EYA4: variants seen among roughly 807,000 people sequenced by gnomAD.
EYA4 encodes EYA transcriptional coactivator and phosphatase 4.
EYA4 carries 31 observed loss-of-function variants against 87.9 expected under a neutral mutation model. The ratio of observed to expected loss-of-function variants is 0.35; its 90% CI spans 0.27 to 0.48. The LOEUF is 0.48. EYA4 is among the 20% of genes least tolerant of loss of function. The pLI, the probability that EYA4 is intolerant of heterozygous loss-of-function variation, is 0.99. For missense variants in EYA4, 678 were observed against 761.4 expected (o/e 0.89, Z 1.29); for synonymous variants, 263 against 270.6 (o/e 0.97, Z 0.28).
intron 3 of EYA4, among the ~76,000 whole-genome samples, chr6:133,412,653 T>C (rs1789343011): frequency 6.6e-6 from 1 of 152,252 alleles, no homozygotes; most frequent in Admixed American, 6.5e-5. Context: ...GAGTGAGACC[T>C]CATTAAGATG....
chr6:133,470,917 C>T (rs1795280476), intron 11 of EYA4, among the ~76,000 whole-genome samples: 1 of 89,934 alleles, frequency 1.1e-5, no homozygotes, highest in African/African-American at 4.3e-5. Flanking sequence ...TATAAGAATG[C>T]TTGTGATTTT....
chr6:133,512,598 A>ATGGACG, intron 14 of EYA4, 123 bp from the exon 15 acceptor site: 1 of 794,300 alleles, frequency 1.3e-6, no homozygotes, highest in African/African-American at 1.7e-5. Context: ...AGGCAATGAG[A>ATGGACG]TGGACGGGCA....
intron 2 of EYA4, among the ~76,000 whole-genome samples, chr6:133,316,403 A>G (rs2128342376): frequency 6.6e-6 from 1 of 152,324 alleles, no homozygotes; most frequent in Non-Finnish European, 1.5e-5. Flanking sequence ...CTACTTAAAT[A>G]GGTTTTAGCT....
intron 2 of EYA4, among the ~76,000 whole-genome samples, chr6:133,353,488 C>T (rs1783788578): frequency 6.6e-6 from 1 of 152,128 alleles, no homozygotes; most frequent in South Asian, 2.1e-4. Flanking sequence ...AGCAAACACA[C>T]ATAAAAAGTA....
intron 2 of EYA4, among the ~76,000 whole-genome samples, chr6:133,323,863 G>C (rs1781290624): frequency 6.6e-6 from 1 of 152,072 alleles, no homozygotes; most frequent in Admixed American, 6.6e-5. Context: ...CAAGGAAGAA[G>C]TAGTACAAAC....
At chr6:133,464,613 A>G (rs1794686968) in intron 9 of EYA4, among the ~76,000 whole-genome samples, 166 bp from the exon 10 acceptor site, 4 of 152,170 alleles carry the variant, frequency 2.6e-5, no homozygotes, top group Admixed American at 2.6e-4. Context: ...AGCTGTTACA[A>G]GAGGGAGAGA....
chr6:133,453,802 G>A (rs1267132813), intron 5 of EYA4: 1 of 152,060 alleles, frequency 6.6e-6, no homozygotes, highest in Non-Finnish European at 1.5e-5. Flanking sequence ...TTTTAGTAAA[G>A]CTAACACATC....
chr6:133,278,269 GC>G (rs1365652754), intron 2 of EYA4, among the ~76,000 whole-genome samples: 2 of 152,090 alleles, frequency 1.3e-5, no homozygotes, highest in African/African-American at 4.8e-5. Flanking sequence ...CCTCTGAGCA[GC>G]CCTCTCAGAC....
chr6:133,280,131 A>G (rs1777502502), intron 2 of EYA4, among the ~76,000 whole-genome samples: 1 of 152,146 alleles, frequency 6.6e-6, no homozygotes, highest in Admixed American at 6.5e-5. Flanking sequence ...GAAGAACTTG[A>G]CCTTTAAACT....
intron 1 of EYA4, among the ~76,000 whole-genome samples, chr6:133,269,142 C>G (rs1776477056): frequency 6.6e-6 from 1 of 152,072 alleles, no homozygotes; most frequent in African/African-American, 2.4e-5. Flanking sequence ...TCCTGTAGTC[C>G]CAGCTACTTG....
chr6:133,440,210 T>A (rs1230045109), intron 3 of EYA4, among the ~76,000 whole-genome samples: 1 of 151,556 alleles, frequency 6.6e-6, no homozygotes, highest in East Asian at 1.9e-4. Context: ...TTGAATATAT[T>A]CTATAATGTG....
At chr6:133,270,986 T>C (rs1453538533) in intron 1 of EYA4, among the ~76,000 whole-genome samples, 1 of 152,136 alleles carries the variant, frequency 6.6e-6, no homozygotes, top group Non-Finnish European at 1.5e-5. Context: ...CTGGTGGCAG[T>C]GTTCCTCCCT....
chr6:133,296,766 C>T (rs1356032651), intron 2 of EYA4, among the ~76,000 whole-genome samples: 1 of 152,098 alleles, frequency 6.6e-6, no homozygotes, highest in Non-Finnish European at 1.5e-5. Context: ...TTTCATTCAT[C>T]ATCTATTTTT....
chr6:133,327,554 A>G (rs192512263), intron 2 of EYA4, among the ~76,000 whole-genome samples: 15 of 152,328 alleles, frequency 9.8e-5, no homozygotes, highest in Admixed American at 8.5e-4. Context: ...GCAATTTGAA[A>G]TTAACAAAAT....
In EYA4 at chr6:133,296,723, C is replaced by T. The variant is rs564606069; in HGVS notation, c.33+21910C>T. Among the ~76,000 whole-genome samples, 8 of 152,154 alleles carry T rather than the reference C, an allele frequency of 5.3e-5. No homozygotes were observed. In the East Asian group the frequency reaches 9.7e-4, roughly 18 times the overall value. ...TTTTTTTTCTCCTCTATATGGCAAA[C>T]GATTCCCAGCACATTTCTTAGCCTT... On this transcript the variant is annotated intron_variant, in intron 2 of 19. Coordinates refer to ENST00000355286, the MANE Select transcript of EYA4 (RefSeq NM_004100.5).
At chr6:133,352,127 A>T (rs1331369860) in intron 2 of EYA4, among the ~76,000 whole-genome samples, 1 of 152,210 alleles carries the variant, frequency 6.6e-6, no homozygotes, top group Non-Finnish European at 1.5e-5. Flanking sequence ...TGCCAAATCT[A>T]TTTTAAATAA....
intron 1 of EYA4, among the ~76,000 whole-genome samples, chr6:133,258,729 G>T (rs912905343): frequency 2.6e-4 from 40 of 151,958 alleles, no homozygotes; most frequent in African/African-American, 9.7e-4. Flanking sequence ...GTTCTTTCCC[G>T]GGGGCTTTTT....
intron 2 of EYA4, among the ~76,000 whole-genome samples, chr6:133,328,941 T>C (rs143322629): frequency 5.3e-5 from 8 of 152,224 alleles, no homozygotes; most frequent in African/African-American, 1.9e-4. Flanking sequence ...TTTCAACAAA[T>C]AGAGGGCCAC....
chr6:133,408,453 A>G (rs995502538), intron 3 of EYA4, among the ~76,000 whole-genome samples: 12 of 152,208 alleles, frequency 7.9e-5, no homozygotes, highest in Non-Finnish European at 1.6e-4. Context: ...GAATCTACGC[A>G]TAAGATTAAA....
Sources: gnomAD v4.1 joint callset for allele counts (sites outside exome capture counted in the v4.1 genomes callset) on GRCh38, gnomAD v4.1.1 for gene constraint, MANE v1.5 for transcripts, NCBI Gene and HGNC (gene_info 2026-07-23, HGNC 2026-07-21) for gene names.